CTNND2: variants seen among roughly 807,000 people sequenced by gnomAD.
CTNND2 encodes catenin delta-2.
In CTNND2, 22 loss-of-function variants were observed where a neutral mutation model predicts 144.4. The ratio of observed to expected loss-of-function variants is 0.15; its 90% CI spans 0.11 to 0.22. The LOEUF is 0.22. Among genes scored for constraint, CTNND2 ranks in the 10% least tolerant of loss-of-function variants. The pLI is 1.00. For synonymous variants in CTNND2, 751 were observed against 695.6 expected, an observed-to-expected ratio of 1.08 and a Z score of -1.25; for missense variants, 1,353 against 1,618.8, an observed-to-expected ratio of 0.84 and a Z score of 2.82.
chr5:11,165,572 CTTTT>C (rs1358208604), intron 11 of CTNND2, among the ~76,000 whole-genome samples: 1 of 152,112 alleles, frequency 6.6e-6, no homozygotes, highest in Non-Finnish European at 1.5e-5. Flanking sequence ...TAGCATCTTT[CTTTT>C]ATTATTTCCA....
At chr5:11,231,531 A>G (rs1003818065) in intron 10 of CTNND2, among the ~76,000 whole-genome samples, 1 of 152,204 alleles carries the variant, frequency 6.6e-6, no homozygotes, top group South Asian at 2.1e-4. Context: ...TTTAGAAAAG[A>G]GACTGGCAGC....
chr5:11,164,146 A>AC (rs1475671786), intron 11 of CTNND2, among the ~76,000 whole-genome samples: 1 of 151,542 alleles, frequency 6.6e-6, no homozygotes, highest in Non-Finnish European at 1.5e-5. Flanking sequence ...TGACCCTCCT[A>AC]CCTCCCTCTC....
At chr5:11,734,771 T>G (rs1787586958) in intron 1 of CTNND2, among the ~76,000 whole-genome samples, 1 of 152,164 alleles carries the variant, frequency 6.6e-6, no homozygotes, top group Non-Finnish European at 1.5e-5. Flanking sequence ...AGTTAATAAT[T>G]TAGAGATATT....
intron 9 of CTNND2, among the ~76,000 whole-genome samples, chr5:11,340,252 C>T (rs539109428): frequency 6.6e-6 from 1 of 152,342 alleles, no homozygotes; most frequent in South Asian, 2.1e-4. Flanking sequence ...TGCCTTATTT[C>T]CCCATAGCAT....
chr5:10,992,810 G>T, intron 18 of CTNND2, 133 bp from the exon 19 acceptor site: 1 of 1,232,584 alleles, frequency 8.1e-7, no homozygotes, highest in Non-Finnish European at 1.1e-6. Context: ...TTGAAGTTCT[G>T]CGCTCTCATG....
chr5:11,844,291 C>T (rs558556955), intron 1 of CTNND2, among the ~76,000 whole-genome samples: 2 of 152,068 alleles, frequency 1.3e-5, no homozygotes, highest in South Asian at 2.1e-4. Flanking sequence ...CCCTGAAGAC[C>T]TTTTAAAGTT....
chr5:11,489,400 C>T (rs1328365842), intron 3 of CTNND2, among the ~76,000 whole-genome samples: 2 of 152,102 alleles, frequency 1.3e-5, no homozygotes, highest in Admixed American at 1.3e-4. Context: ...TTCTTTTTGA[C>T]CATATTCCTA....
At chr5:11,627,678 C>G (rs1781225940) in intron 2 of CTNND2, among the ~76,000 whole-genome samples, 3 of 151,770 alleles carry the variant, frequency 2.0e-5, no homozygotes, top group African/African-American at 7.3e-5. Context: ...TCATGGAAGA[C>G]AATTTTTCCA....
chr5:11,817,697 C>T (rs1396129687), intron 1 of CTNND2, among the ~76,000 whole-genome samples: 3 of 152,086 alleles, frequency 2.0e-5, no homozygotes, highest in African/African-American at 7.2e-5. Context: ...GGCATCTCCA[C>T]GCTCTGTCTC....
chr5:11,134,469 C>T (rs970225180), intron 12 of CTNND2, among the ~76,000 whole-genome samples: 4 of 152,190 alleles, frequency 2.6e-5, no homozygotes, highest in African/African-American at 9.7e-5. Context: ...GTAATGTTCT[C>T]AGCCATTACG....
intron 2 of CTNND2, among the ~76,000 whole-genome samples, chr5:11,685,493 T>C (rs756602429): frequency 2.2e-4 from 34 of 152,200 alleles, no homozygotes; most frequent in Non-Finnish European, 4.1e-4. Flanking sequence ...TACTACAACA[T>C]AGATTTAGGG....
intron 2 of CTNND2, among the ~76,000 whole-genome samples, chr5:11,700,389 CCAAA>C (rs919046377): frequency 5.3e-5 from 8 of 152,068 alleles, no homozygotes; most frequent in African/African-American, 9.7e-5. Context: ...GACTCCATCT[CCAAA>C]CAAACAAACA....
chr5:11,107,546 C>G (rs537001863), intron 14 of CTNND2, among the ~76,000 whole-genome samples: 1 of 152,338 alleles, frequency 6.6e-6, no homozygotes, highest in East Asian at 1.9e-4. Flanking sequence ...CTCATAACAC[C>G]TTCAGTGCAA....
intron 8 of CTNND2, among the ~76,000 whole-genome samples, chr5:11,357,328 A>C (rs1377860018): frequency 6.6e-6 from 1 of 152,112 alleles, no homozygotes; most frequent in African/African-American, 2.4e-5. Context: ...CACATATACA[A>C]AACAGAATAC....
chr5:11,154,485 T>A (rs2057795), intron 12 of CTNND2, among the ~76,000 whole-genome samples: 2 of 152,034 alleles, frequency 1.3e-5, no homozygotes, highest in African/African-American at 4.8e-5. Context: ...CAGAAAAACA[T>A]CTTTGATCTG....
At chr5:11,439,761 T>TATCTATCTATC (rs1375836142) in intron 3 of CTNND2, among the ~76,000 whole-genome samples, 28 of 149,606 alleles carry the variant, frequency 1.9e-4, no homozygotes, top group African/African-American at 6.5e-4. Flanking sequence ...TCTATCTATC[T>TATCTATCTATC]ATCTATCTAT....
chr5:11,162,912 CAT>C (rs1380226510), intron 11 of CTNND2, among the ~76,000 whole-genome samples: 10 of 88,838 alleles, frequency 1.1e-4, no homozygotes, highest in African/African-American at 3.2e-4. Flanking sequence ...CACACACACA[CAT>C]ACAGACACAC....
intron 15 of CTNND2, among the ~76,000 whole-genome samples, chr5:11,091,452 A>G (rs1750767364): frequency 6.6e-6 from 1 of 152,066 alleles, no homozygotes; most frequent in African/African-American, 2.4e-5. Context: ...CTTAGTTTTC[A>G]TTTATTTATT....
At chr5:11,615,251 G>A (rs1365601702) in intron 2 of CTNND2, among the ~76,000 whole-genome samples, 2 of 152,038 alleles carry the variant, frequency 1.3e-5, no homozygotes, top group Non-Finnish European at 1.5e-5. Context: ...GGCAAAAACC[G>A]CAATTACTTT....
Sources: gnomAD v4.1 joint callset for allele counts (sites outside exome capture counted in the v4.1 genomes callset) on GRCh38, gnomAD v4.1.1 for gene constraint, MANE v1.5 for transcripts, NCBI Gene and HGNC (gene_info 2026-07-23, HGNC 2026-07-21) for gene names.